The following PCSK5 variants were observed in gnomAD, a reference collection of about 807,000 sequenced individuals.
The protein encoded by PCSK5 is proprotein convertase subtilisin/kexin type 5.
A neutral mutation model predicts 233.2 loss-of-function variants in PCSK5; 129 were observed. The ratio of observed to expected loss-of-function variants is 0.55; its 90% CI spans 0.48 to 0.64. The LOEUF is 0.64. Ranked by LOEUF, PCSK5 falls within the 30% of genes least tolerant of loss-of-function variation. The probability of loss-of-function intolerance (pLI) is 0.00; values close to 1 mark genes in which losing one functional copy is unlikely to be tolerated. For synonymous variants in PCSK5, 825 were observed against 879.2 expected (o/e 0.94, Z 1.09); for missense variants, 2,076 against 2,430.1 (o/e 0.85, Z 3.06).
Position 76,007,145 on chromosome 9 carries a change from A to G in PCSK5, c.412-16593A>G, listed in dbSNP as rs538180828. On this transcript the variant is annotated intron_variant, in intron 3 of 37. Coordinates refer to ENST00000674117, the MANE Select transcript of PCSK5 (RefSeq NM_001372043.1). Reference sequence around the variant, plus strand: ...TTATTTCTAATATAATTTAGCGTTCAGTTTATTTCCAGGGTTTAATCAACT... The same window carrying G: ...TTATTTCTAATATAATTTAGCGTTCGGTTTATTTCCAGGGTTTAATCAACT... Among the ~76,000 whole-genome samples, 10 of 152,266 alleles carry G rather than the reference A, an allele frequency of 6.6e-5. No homozygotes were observed. In the South Asian group the frequency reaches 2.1e-3, roughly 32 times the overall value.
chr9:75,892,652 G>A lies in PCSK5; in HGVS notation c.192+1279G>A, dbSNP rs550782342. Among the ~76,000 whole-genome samples the A allele has an allele frequency of 2.6e-4, 40 of 152,342 alleles. No homozygotes were observed. The East Asian group carries it at 5.0e-3, about 19-fold the overall frequency. On this transcript the variant is annotated intron_variant, in intron 1 of 37. Transcript: ENST00000674117. Reference sequence around the variant, plus strand: ...CTGAGGCCATTGCGTTCCACGCCCAGGAACCCGGGGACACCCCCCGCCCCT... The same window carrying A: ...CTGAGGCCATTGCGTTCCACGCCCAAGAACCCGGGGACACCCCCCGCCCCT...
chr9:76,311,537 TGGTCCC>T (rs970880464), intron 30 of PCSK5, among the ~76,000 whole-genome samples: 2 of 152,142 alleles, frequency 1.3e-5, no homozygotes, highest in African/African-American at 4.8e-5. Flanking sequence ...CTGGTTTCCT[TGGTCCC>T]CTGGTTTGTA....
chr9:76,123,964 T>A (rs971358268), intron 9 of PCSK5, among the ~76,000 whole-genome samples: 1 of 152,152 alleles, frequency 6.6e-6, no homozygotes, highest in African/African-American at 2.4e-5. Flanking sequence ...TTTTCATTTG[T>A]ATTGTAATGA....
intron 2 of PCSK5, 106 bp from the exon 3 acceptor site, chr9:75,986,026 G>GCC (rs755183192): frequency 4.4e-6 from 3 of 679,998 alleles, no homozygotes; most frequent in African/African-American, 1.8e-5. Flanking sequence ...AGTGAAACTT[G>GCC]TGACTTAAAT....
At chr9:76,087,433 T>C (rs947817972) in intron 7 of PCSK5, among the ~76,000 whole-genome samples, 2 of 152,226 alleles carry the variant, frequency 1.3e-5, no homozygotes, top group Non-Finnish European at 2.9e-5. Flanking sequence ...ACCACCTTAC[T>C]CACCATTTCC....
At chr9:76,352,083 G>C (rs1486843578) in intron 36 of PCSK5, among the ~76,000 whole-genome samples, 2 of 152,216 alleles carry the variant, frequency 1.3e-5, no homozygotes, top group Non-Finnish European at 2.9e-5. Flanking sequence ...TAAGAAAGTA[G>C]AGGGATAAAA....
intron 21 of PCSK5, among the ~76,000 whole-genome samples, chr9:76,228,507 T>C (rs941663094): frequency 6.6e-6 from 1 of 152,336 alleles, no homozygotes; most frequent in South Asian, 2.1e-4. Flanking sequence ...TCGGGGATAA[T>C]AGCAGGCACT....
intron 10 of PCSK5, 134 bp downstream of exon 10, chr9:76,134,346 T>C (rs1195831885): frequency 3.5e-6 from 2 of 571,130 alleles, no homozygotes; most frequent in Admixed American, 7.5e-5. Context: ...CTTGATCTTT[T>C]AGTAAATAAA....
rs376413494 is a variant in PCSK5, at chr9:76,332,480, G to A, written c.4618G>A (p.Asp1540Asn). The A allele has an allele frequency of 3.1e-6, 5 of 1,612,610 alleles. No homozygotes were observed. The highest frequency in any genetic ancestry group is 3.3e-5 in the Admixed American group (2 of 60,006). The change falls in exon 34 of 38, where the codon GAC becomes AAC. Residue 1540 changes from aspartate (D) to asparagine (N), a missense_variant. Physicochemically the swap from Asp to Asn is conservative, Grantham distance 23 (BLOSUM62 1). This residue lies in a region of PCSK5 where 1,510 missense variants were observed against 1,538.1 expected (regional missense o/e 0.98). Transcript: ENST00000674117. ...DCPEGYYADE[D>N]SNRCAHCHSS... ...CCCAGAGGGCTATTATGCCGATGAG[G>A]ACAGCAACCGGTGTGCCCACTGCCA...
chr9:76,126,184 TGTGTGTGTG>T (rs1439296093), intron 9 of PCSK5, among the ~76,000 whole-genome samples: 4 of 131,026 alleles, frequency 3.1e-5, no homozygotes, highest in African/African-American at 1.2e-4. Flanking sequence ...TGTGTGTATG[TGTGTGTGTG>T]TGTGTGTGGT....
intron 1 of PCSK5, among the ~76,000 whole-genome samples, chr9:75,929,583 G>C (rs1823682913): frequency 6.6e-6 from 1 of 152,118 alleles, no homozygotes. Flanking sequence ...TAGGGGAGGT[G>C]CCGCAGGTGG....
At chr9:76,074,290 T>G (rs1022994250) in intron 7 of PCSK5, among the ~76,000 whole-genome samples, 4 of 152,210 alleles carry the variant, frequency 2.6e-5, no homozygotes, top group Non-Finnish European at 5.9e-5. Context: ...TTCAAAATTT[T>G]TAGAGTATAG....
intron 2 of PCSK5, among the ~76,000 whole-genome samples, chr9:75,959,708 C>T (rs908058627): frequency 1.3e-5 from 2 of 152,178 alleles, no homozygotes; most frequent in Non-Finnish European, 2.9e-5. Flanking sequence ...GCCGGTGAAA[C>T]TTAAGAATCC....
chr9:76,027,803 A>G (rs981153596), intron 5 of PCSK5, among the ~76,000 whole-genome samples: 3 of 152,166 alleles, frequency 2.0e-5, no homozygotes, highest in Non-Finnish European at 2.9e-5. Context: ...CCCTTTTACT[A>G]TGAAGCTCCT....
At chr9:75,941,618 A>G (rs1322745312) in intron 2 of PCSK5, among the ~76,000 whole-genome samples, 1 of 152,186 alleles carries the variant, frequency 6.6e-6, no homozygotes, top group African/African-American at 2.4e-5. Flanking sequence ...TGCGATCATT[A>G]TAGCAAATCC....
intron 10 of PCSK5, among the ~76,000 whole-genome samples, chr9:76,141,182 T>C (rs1823205498): frequency 6.6e-6 from 1 of 152,138 alleles, no homozygotes; most frequent in Non-Finnish European, 1.5e-5. Flanking sequence ...GAACCACTTA[T>C]AACTGGATTC....
intron 30 of PCSK5, among the ~76,000 whole-genome samples, chr9:76,315,405 G>A (rs1828994673): frequency 6.6e-6 from 1 of 152,182 alleles, no homozygotes; most frequent in East Asian, 1.9e-4. Flanking sequence ...TGAAATGGAG[G>A]TGAAGGCCCA....
chr9:75,975,184 C>T (rs977402632), intron 2 of PCSK5, among the ~76,000 whole-genome samples: 1 of 152,024 alleles, frequency 6.6e-6, no homozygotes, highest in Non-Finnish European at 1.5e-5. Flanking sequence ...CATTCCCCCT[C>T]CCTGAGTTTT....
intron 35 of PCSK5, among the ~76,000 whole-genome samples, chr9:76,339,936 G>A (rs953733653): frequency 1.3e-5 from 2 of 152,096 alleles, no homozygotes; most frequent in Non-Finnish European, 2.9e-5. Context: ...TATTCTAGAA[G>A]CTAGAACTAC....
Sources: gnomAD v4.1 joint callset for allele counts (sites outside exome capture counted in the v4.1 genomes callset) on GRCh38, gnomAD v4.1.1 for gene constraint, gnomAD v4.1.1 regional missense constraint, MANE v1.5 for transcripts, NCBI Gene and HGNC (gene_info 2026-07-23, HGNC 2026-07-21) for gene names.